Variants in RPS6KC1 observed in about 807,000 individuals in gnomAD.
RPS6KC1 encodes ribosomal protein S6 kinase C1, also known as inactive ribosomal protein S6 kinase delta-1.
RPS6KC1 carries 54 observed loss-of-function variants against 103.8 expected under a neutral mutation model. That is an observed-to-expected ratio of 0.52 (90% CI 0.42 to 0.65). The LOEUF (loss-of-function observed/expected upper bound fraction) is 0.65. Ranked by LOEUF, RPS6KC1 falls within the 30% of genes least tolerant of loss-of-function variation. The pLI, the probability that RPS6KC1 is intolerant of heterozygous loss-of-function variation, is 0.00. For synonymous variants in RPS6KC1, 439 were observed against 438.7 expected, an observed-to-expected ratio of 1.00 and a Z score of -0.01; for missense variants, 1,151 against 1,253.8, an observed-to-expected ratio of 0.92 and a Z score of 1.24.
intron 12 of RPS6KC1, among the ~76,000 whole-genome samples, chr1:213,245,129 A>G (rs896654290): frequency 1.3e-5 from 2 of 152,184 alleles, no homozygotes; most frequent in Admixed American, 1.3e-4. Flanking sequence ...TTATAACTCA[A>G]GGGAAATTGG....
At chr1:213,276,922 G>A (rs1220153022), downstream of RPS6KC1, among the ~76,000 whole-genome samples, 1 of 152,200 alleles carries the variant, frequency 6.6e-6, no homozygotes, top group Non-Finnish European at 1.5e-5. Context: ...TTGTACACCT[G>A]TTGCCCTCAT....
the RPS6KC1 span, among the ~76,000 whole-genome samples, chr1:213,548,305 T>A: frequency 7.9e-5 from 12 of 152,082 alleles, no homozygotes; most frequent in African/African-American, 2.9e-4. Flanking sequence ...TATAGAAAAG[T>A]AGAAAAAATA....
At chr1:213,113,700 G>A (rs1408076752) in intron 4 of RPS6KC1, among the ~76,000 whole-genome samples, 31 of 151,672 alleles carry the variant, frequency 2.0e-4, no homozygotes, top group South Asian at 4.2e-4. Flanking sequence ...TAGGTCTAAC[G>A]TTTAAGTCTT....
At chr1:213,350,090 T>C in the RPS6KC1 span, among the ~76,000 whole-genome samples, 2 of 152,162 alleles carry the variant, frequency 1.3e-5, no homozygotes, top group East Asian at 3.9e-4. Flanking sequence ...AGTCACAGGA[T>C]GGCATGTTAC....
At chr1:213,560,055 C>T in the RPS6KC1 span, among the ~76,000 whole-genome samples, 2 of 152,106 alleles carry the variant, frequency 1.3e-5, no homozygotes, top group Non-Finnish European at 2.9e-5. Context: ...TTACTCATGA[C>T]ACAGCAAGCA....
At chr1:213,230,660 C>A in intron 9 of RPS6KC1, 116 bp downstream of exon 9, 1 of 554,048 alleles carries the variant, frequency 1.8e-6, no homozygotes, top group Non-Finnish European at 3.0e-6. Context: ...CATGGTGAAA[C>A]CCCGTTTCTA....
chr1:213,415,205 T>C, the RPS6KC1 span, among the ~76,000 whole-genome samples: 1 of 152,362 alleles, frequency 6.6e-6, no homozygotes, highest in Admixed American at 6.5e-5. Context: ...TTCCTAAGGC[T>C]GATACTGTTC....
chr1:213,431,272 AT>A, the RPS6KC1 span, among the ~76,000 whole-genome samples: 2 of 152,158 alleles, frequency 1.3e-5, no homozygotes, highest in African/African-American at 4.8e-5. Flanking sequence ...ACATTTTTAG[AT>A]TTTTTTAATG....
At chr1:213,595,134 A>C in the RPS6KC1 span, among the ~76,000 whole-genome samples, 4 of 152,192 alleles carry the variant, frequency 2.6e-5, no homozygotes, top group African/African-American at 9.6e-5. Context: ...ACACCCACAA[A>C]CACTAGTTCC....
the RPS6KC1 span, among the ~76,000 whole-genome samples, chr1:213,585,934 C>G: frequency 8.5e-4 from 130 of 152,286 alleles, no homozygotes; most frequent in South Asian, 6.2e-4. Flanking sequence ...AGGGGATATG[C>G]TGGATTGAGA....
At chr1:213,121,821 A>C (rs768486156) in intron 5 of RPS6KC1, among the ~76,000 whole-genome samples, 31 of 152,174 alleles carry the variant, frequency 2.0e-4, no homozygotes, top group Non-Finnish European at 3.5e-4. Context: ...TAATTAGGTA[A>C]TTGTAACCAC....
chr1:213,537,801 A>G, the RPS6KC1 span, among the ~76,000 whole-genome samples: 3 of 152,188 alleles, frequency 2.0e-5, no homozygotes, highest in African/African-American at 7.2e-5. Context: ...ATGCTTAAAA[A>G]TGTTCTGACT....
chr1:213,241,271 G>A lies in RPS6KC1; in HGVS notation c.1795G>A (p.Glu599Lys). The stretch of plus-strand genomic sequence containing the variant: ...CAGTAGATCAAAAAATAGCCCCATG[G>A]AATTCTTTAGGATAGACAGTAAGGA... ...SLSRSKNSPM[E>K]FFRIDSKDSA... Residue 599 changes from glutamate (E) to lysine (K), a missense_variant, in exon 11 of 15, where the codon GAA (glutamate) becomes AAA (lysine). By Grantham distance (56) the Glu-to-Lys change is moderately conservative (BLOSUM62 1). Transcript: ENST00000366960. 6.2e-7 allele frequency: 1 copy of A among 1,613,850 alleles called. No homozygotes were observed. Among genetic ancestry groups the A allele is most frequent in the Non-Finnish European group, 8.5e-7 (1 of 1,179,904 alleles).
intron 10 of RPS6KC1, among the ~76,000 whole-genome samples, chr1:213,233,003 G>C (rs959294628): frequency 1.3e-5 from 2 of 151,902 alleles, no homozygotes; most frequent in Non-Finnish European, 2.9e-5. Flanking sequence ...ATTGTTTTCC[G>C]TATCTCGTGA....
At chr1:213,719,990 C>T in the RPS6KC1 span, among the ~76,000 whole-genome samples, 1 of 151,692 alleles carries the variant, frequency 6.6e-6, no homozygotes, top group Admixed American at 6.6e-5. Context: ...TTCCTTTCTG[C>T]CTGCTCTTCC....
the RPS6KC1 span, among the ~76,000 whole-genome samples, chr1:213,713,908 C>T: frequency 4.8e-3 from 725 of 152,228 alleles, 7 homozygotes; most frequent in African/African-American, 0.016. Context: ...TGAGATATGC[C>T]CTTCCTGAGT....
chr1:213,780,245 G>T, the RPS6KC1 span, among the ~76,000 whole-genome samples: 139 of 152,270 alleles, frequency 9.1e-4, no homozygotes, highest in African/African-American at 3.1e-3. Flanking sequence ...CTTGACCCCC[G>T]GGTAGGTATA....
the RPS6KC1 span, among the ~76,000 whole-genome samples, chr1:213,492,997 G>A: frequency 2.0e-5 from 3 of 152,328 alleles, no homozygotes; most frequent in South Asian, 6.2e-4. Flanking sequence ...TCAAGGAAAT[G>A]CATGCTGCTG....
chr1:213,729,524 A>G, the RPS6KC1 span, among the ~76,000 whole-genome samples: 70 of 152,122 alleles, frequency 4.6e-4, no homozygotes, highest in African/African-American at 1.7e-3. Flanking sequence ...CTTATTTGTC[A>G]TGTTTTTGTT....
Sources: allele counts gnomAD v4.1 joint callset (sites outside exome capture counted in the v4.1 genomes callset), GRCh38; gene constraint gnomAD v4.1.1; transcripts MANE v1.5; gene names NCBI Gene and HGNC (gene_info 2026-07-23, HGNC 2026-07-21).